SENP7: variants seen among roughly 807,000 people sequenced by gnomAD.
SENP7 encodes the protein SUMO specific peptidase 7, also known as sentrin-specific protease 7.
A neutral mutation model predicts 141.2 loss-of-function variants in SENP7; 64 were observed. The observed-to-expected ratio is 0.45, with a 90% CI of 0.37 to 0.56. The LOEUF is 0.56. SENP7 is among the 20% of genes least tolerant of loss of function. The pLI, the probability that SENP7 is intolerant of heterozygous loss-of-function variation, is 0.00. For synonymous variants in SENP7, 382 were observed against 426.4 expected (o/e 0.90, Z 1.28); for missense variants, 1,025 against 1,212.2 (o/e 0.85, Z 2.29).
Position 101,325,148 on chromosome 3 carries a change from G to A in SENP7, c.*795C>T, listed in dbSNP as rs1192827889. 1 of 152,002 alleles carries A rather than the reference G, an allele frequency of 6.6e-6. No individual in the cohort carries two copies. The highest frequency in any genetic ancestry group is 6.6e-5 in the Admixed American group (1 of 15,230). 9.4% of individuals were successfully genotyped at this position (152,002 alleles called of 1,614,324 possible). On this transcript the variant is annotated 3_prime_UTR_variant, in exon 24 of 24. Transcript: ENST00000394095. ...AACTATACATAAATTCCGTGATAAT[G>A]TGAGTGAATATTTATATAGCAGTAC...
At chr3:101,467,356 T>C (rs2063797206) in intron 3 of SENP7, among the ~76,000 whole-genome samples, 3 of 152,200 alleles carry the variant, frequency 2.0e-5, no homozygotes, top group Admixed American at 1.3e-4. Flanking sequence ...CGTTTGAGCT[T>C]TGAGAACAGA....
intron 7 of SENP7, among the ~76,000 whole-genome samples, chr3:101,369,456 T>C (rs1395170242): frequency 1.3e-5 from 2 of 152,194 alleles, no homozygotes; most frequent in Non-Finnish European, 2.9e-5. Context: ...TGGAACAGGA[T>C]TGAGGGTAAA....
intron 2 of SENP7, among the ~76,000 whole-genome samples, chr3:101,496,993 A>G (rs956378226): frequency 3.9e-5 from 6 of 152,266 alleles, no homozygotes; most frequent in Non-Finnish European, 8.8e-5. Context: ...AGGCAGTAAT[A>G]TAAACTACTA....
rs772727043 is a variant in SENP7 at position 101,400,945 on chromosome 3, C to T, written c.483-1890G>A. Among the ~76,000 whole-genome samples the T allele has an allele frequency of 4.0e-5, 6 of 151,792 alleles. No homozygotes were observed. In the East Asian group the frequency reaches 9.7e-4, roughly 25 times the overall value. ...CTCCATCTCTACAAAACATAATTAA[C>T]GAGCCATCCAGCCATGGCAGTACAT... On this transcript the variant is annotated intron_variant, in intron 5 of 23. Transcript: ENST00000394095.
chr3:101,373,922 C>A (rs1026753104), intron 6 of SENP7, among the ~76,000 whole-genome samples: 5 of 152,100 alleles, frequency 3.3e-5, no homozygotes, highest in Admixed American at 6.5e-5. Flanking sequence ...TGGAAACACC[C>A]AAGTTCCTGA....
intron 6 of SENP7, among the ~76,000 whole-genome samples, chr3:101,374,988 T>C (rs1576139652): frequency 6.6e-6 from 1 of 151,990 alleles, no homozygotes; most frequent in South Asian, 2.1e-4. Context: ...GACATACAAA[T>C]GGCCAATTAG....
At chr3:101,490,280 AT>A (rs1014346388) in intron 3 of SENP7, among the ~76,000 whole-genome samples, 31 of 152,324 alleles carry the variant, frequency 2.0e-4, no homozygotes, top group African/African-American at 6.7e-4. Context: ...ATAATGGAAT[AT>A]TACATAGCAA....
chr3:101,460,599 G>GA (rs1003000401), intron 3 of SENP7, among the ~76,000 whole-genome samples: 7 of 149,936 alleles, frequency 4.7e-5, no homozygotes, highest in South Asian at 2.1e-4. Context: ...GAAACTCTTA[G>GA]AAAAAAAAAC....
At chr3:101,344,173 G>A (rs894544502) in intron 13 of SENP7, among the ~76,000 whole-genome samples, 4 of 152,200 alleles carry the variant, frequency 2.6e-5, no homozygotes, top group African/African-American at 9.7e-5. Context: ...GCACTAAAAT[G>A]TCATAATAGT....
intron 6 of SENP7, among the ~76,000 whole-genome samples, chr3:101,380,811 T>C (rs911782740): frequency 1.8e-4 from 27 of 151,998 alleles, no homozygotes; most frequent in African/African-American, 6.5e-4. Context: ...GCAACACATA[T>C]AAAATGAAAA....
At position 101,449,963 on chromosome 3, in the gene SENP7, A is replaced by C. The variant is rs201910402; in HGVS notation, c.284+8992T>G. Among the ~76,000 whole-genome samples, 3 of 152,192 alleles carry C rather than the reference A, an allele frequency of 2.0e-5. No individual in the cohort carries two copies. The East Asian group carries it at 5.8e-4, about 29-fold the overall frequency. On this transcript the variant is annotated intron_variant, in intron 4 of 23. Coordinates refer to ENST00000394095, the MANE Select transcript of SENP7 (RefSeq NM_020654.5). ...ACCCATCAGTGTGCTATATTCAGGA[A>C]ACCCATTTCACGTGCAGAGACACAC...
chr3:101,497,980 A>C (rs1559913638), intron 2 of SENP7, among the ~76,000 whole-genome samples: 1 of 152,072 alleles, frequency 6.6e-6, no homozygotes, highest in Non-Finnish European at 1.5e-5. Context: ...TTTTTTTTGT[A>C]GATATGGGGT....
intron 4 of SENP7, among the ~76,000 whole-genome samples, chr3:101,426,688 G>A (rs1310411561): frequency 3.3e-5 from 5 of 151,778 alleles, no homozygotes; most frequent in African/African-American, 1.2e-4. Context: ...CATCATGTTG[G>A]CCAGCCTGAT....
At chr3:101,429,122 C>T (rs1384402165) in intron 4 of SENP7, among the ~76,000 whole-genome samples, 1 of 152,106 alleles carries the variant, frequency 6.6e-6, no homozygotes, top group Non-Finnish European at 1.5e-5. Flanking sequence ...AGTCAGGTAG[C>T]ATGATGCCTC....
chr3:101,467,789 C>G (rs1031969391), intron 3 of SENP7, among the ~76,000 whole-genome samples: 38 of 152,304 alleles, frequency 2.5e-4, no homozygotes, highest in African/African-American at 8.7e-4. Context: ...AAAATCGGAG[C>G]ACCTCGTCTC....
intron 17 of SENP7, among the ~76,000 whole-genome samples, chr3:101,335,513 A>G (rs1205611266): frequency 2.0e-5 from 3 of 150,396 alleles, no homozygotes; most frequent in African/African-American, 5.0e-5. Flanking sequence ...GCATGTGTAC[A>G]TGTGTGTGTG....
intron 5 of SENP7, among the ~76,000 whole-genome samples, chr3:101,403,021 G>A (rs936001360): frequency 7.9e-5 from 12 of 152,176 alleles, no homozygotes; most frequent in African/African-American, 2.2e-4. Context: ...AAAATCTTCC[G>A]GAAAGGATTC....
At chr3:101,506,708 T>G (rs1369674833) in intron 1 of SENP7, among the ~76,000 whole-genome samples, 1 of 152,274 alleles carries the variant, frequency 6.6e-6, no homozygotes, top group South Asian at 2.1e-4. Context: ...GAAACAGGCA[T>G]AAATTTAAGT....
At chr3:101,373,699 T>C (rs1214120098) in intron 6 of SENP7, among the ~76,000 whole-genome samples, 1 of 152,172 alleles carries the variant, frequency 6.6e-6, no homozygotes, top group African/African-American at 2.4e-5. Context: ...AAAATGAGTA[T>C]TTTCAAAAGG....
Sources: gnomAD v4.1 joint callset for allele counts (sites outside exome capture counted in the v4.1 genomes callset) on GRCh38, gnomAD v4.1.1 for gene constraint, MANE v1.5 for transcripts, NCBI Gene and HGNC (gene_info 2026-07-23, HGNC 2026-07-21) for gene names.